Variants in MAP3K8 observed in about 807,000 individuals in gnomAD.
MAP3K8 encodes the protein Ewing sarcoma transformant.
In MAP3K8, 22 loss-of-function variants were observed where a neutral mutation model predicts 45.8. The observed-to-expected ratio is 0.48, with a 90% CI of 0.34 to 0.69. MAP3K8 has a LOEUF of 0.69. MAP3K8 is among the 30% of genes least tolerant of loss of function. The pLI, the probability that MAP3K8 is intolerant of heterozygous loss-of-function variation, is 0.01. For missense variants in MAP3K8, 419 were observed against 585.0 expected (o/e 0.72, Z 2.93); for synonymous variants, 223 against 214.3 (o/e 1.04, Z -0.36).
rs530401969 is a variant in MAP3K8, at chr10:30,457,055, G to A, written c.874-1029G>A. Reference sequence around the variant, plus strand: ...ACCGAGATCGCACCATTGCATTCCAGCCTGGGTGACAGAGGGAGACCCCAT... The same window carrying A: ...ACCGAGATCGCACCATTGCATTCCAACCTGGGTGACAGAGGGAGACCCCAT... On this transcript the variant is annotated intron_variant, in intron 6 of 8. Transcript: ENST00000263056. Among the ~76,000 whole-genome samples, 3 of 151,626 alleles carry A rather than the reference G, an allele frequency of 2.0e-5. No individual in the cohort carries two copies. The East Asian group carries it at 5.9e-4, about 30-fold the overall frequency.
chr10:30,444,844 G>T (rs747078039), intron 3 of MAP3K8, among the ~76,000 whole-genome samples: 1 of 152,208 alleles, frequency 6.6e-6, no homozygotes, highest in African/African-American at 2.4e-5. Context: ...CTCTTACCCA[G>T]ACTAGGAGGT....
intron 3 of MAP3K8, chr10:30,439,533 G>A (rs1328533805): frequency 1.2e-6 from 1 of 810,192 alleles, no homozygotes; most frequent in Admixed American, 3.1e-5. Context: ...ATTTTGGCCG[G>A]GTGCAGGGGC....
rs1836922855 is a variant in MAP3K8, at chr10:30,461,021, C to T, written c.*185C>T. The T allele has an allele frequency of 9.4e-5, 53 of 563,882 alleles. 1 individual carries two copies. The South Asian group carries it at 1.4e-3, about 15-fold the overall frequency. 34.9% of individuals were successfully genotyped at this position (563,882 alleles called of 1,614,324 possible). ...TTGACATGTGAAGCTATTTGATATG[C>T]ACCAGGTCTCAAGGTTCTCATTTCT... is the stretch of plus-strand genomic sequence containing the variant. On this transcript the variant is annotated 3_prime_UTR_variant, in exon 9 of 9. Transcript: ENST00000263056.
At chr10:30,444,614 T>C (rs780460837) in intron 3 of MAP3K8, among the ~76,000 whole-genome samples, 7 of 152,156 alleles carry the variant, frequency 4.6e-5, no homozygotes, top group Non-Finnish European at 7.4e-5. Context: ...GGAGAACTCA[T>C]AGGCATTGAA....
At chr10:30,454,262 A>G (rs1342573139) in intron 6 of MAP3K8, among the ~76,000 whole-genome samples, 1 of 152,162 alleles carries the variant, frequency 6.6e-6, no homozygotes, top group African/African-American at 2.4e-5. Context: ...GACAACCCTT[A>G]GTCTAGTCTA....
At chr10:30,451,545 G>T in intron 5 of MAP3K8, 93 bp from the exon 6 acceptor site, 1 of 604,908 alleles carries the variant, frequency 1.7e-6, no homozygotes, top group East Asian at 2.9e-5. Flanking sequence ...AGTCTTTTCT[G>T]ATTGGAGATT....
At chr10:30,451,587 C>T in intron 5 of MAP3K8, 51 bp from the exon 6 acceptor site, 1 of 970,872 alleles carries the variant, frequency 1.0e-6, no homozygotes, top group Non-Finnish European at 1.6e-6. Flanking sequence ...TTTCATTTGA[C>T]TTATGGGTAT....
At chr10:30,455,529 A>C (rs1341699297) in intron 6 of MAP3K8, among the ~76,000 whole-genome samples, 1 of 152,194 alleles carries the variant, frequency 6.6e-6, no homozygotes, top group Non-Finnish European at 1.5e-5. Flanking sequence ...TACAGAATAG[A>C]CTGTTTTTGA....
chr10:30,454,749 AC>A lies in MAP3K8; in HGVS notation c.873+3006del, dbSNP rs571770880. On this transcript the variant is annotated intron_variant, in intron 6 of 8. Transcript: ENST00000263056. The stretch of plus-strand genomic sequence containing the variant: ...GAACAATATTCAGAAGGGAAGCTGT[AC>A]TTTTTTTTTTTTTTTAAGAATGCTT... Among the ~76,000 whole-genome samples the A allele has an allele frequency of 5.3e-3, 755 of 141,740 alleles. 6 individuals carry two copies. The highest frequency in any genetic ancestry group is 0.017 in the African/African-American group (627 of 37,148). The allele number at this position is 141,740 out of a possible 152,430, so 93.0% of individuals were successfully genotyped here.
chr10:30,437,447 T>C (rs975567984), intron 2 of MAP3K8, 41 bp downstream of exon 2: 4 of 361,954 alleles, frequency 1.1e-5, no homozygotes, highest in African/African-American at 2.2e-5. Context: ...ATGGGGAAAA[T>C]TGAGGTCGAG....
At chr10:30,451,256 G>A (rs954157519) in intron 5 of MAP3K8, among the ~76,000 whole-genome samples, 1 of 152,054 alleles carries the variant, frequency 6.6e-6, no homozygotes, top group Non-Finnish European at 1.5e-5. Context: ...TGAGGAAATA[G>A]GTAAACCTTT....
chr10:30,456,143 A>G (rs1251691285), intron 6 of MAP3K8, among the ~76,000 whole-genome samples: 1 of 152,220 alleles, frequency 6.6e-6, no homozygotes, highest in Non-Finnish European at 1.5e-5. Context: ...GAAGATAGGC[A>G]TCCTCTATGG....
chr10:30,460,829 A>C lies in MAP3K8; in HGVS notation c.1397A>C (p.Tyr466Ser). The C allele has an allele frequency of 6.2e-7, 1 of 1,613,614 alleles. No homozygotes were observed. Among genetic ancestry groups the C allele is most frequent in the Non-Finnish European group, 8.5e-7 (1 of 1,180,002 alleles). ...NLVRGPPTLE[Y>S]G ...GTTCGGGGACCACCAACGCTTGAAT[A>C]TGGCTGAAGGATGCCATGTTTGCTC... Residue 466 changes from tyrosine (Y) to serine (S), a missense_variant, in exon 9 of 9, where the codon TAT (tyrosine) becomes TCT (serine). Physicochemically the swap from Tyr to Ser is moderately radical, Grantham distance 144. Coordinates refer to ENST00000263056, the MANE Select transcript of MAP3K8 (RefSeq NM_005204.4).
At position 30,458,270 on chromosome 10, in the gene MAP3K8, G is replaced by GGT. The variant is rs111530310; in HGVS notation, c.1026+35_1026+36insTG. 60 of 1,367,046 alleles carry GGT rather than the reference G, an allele frequency of 4.4e-5. 2 individuals are homozygous for GGT. Among genetic ancestry groups the GGT allele is most frequent in the South Asian group, 6.5e-5 (4 of 61,286 alleles). 84.7% of individuals were successfully genotyped at this position (1,367,046 alleles called of 1,614,324 possible). On this transcript the variant is annotated intron_variant, in intron 7 of 8. Coordinates refer to ENST00000263056, the MANE Select transcript of MAP3K8 (RefSeq NM_005204.4). ...GGTTCAACCAGGGCTGGGGGCGGCG[G>GGT]GGGGGGGCGTTGAGTTATGCATCCC...
chr10:30,459,183 G>A (rs1453013688), intron 7 of MAP3K8, 72 bp from the exon 8 acceptor site: 3 of 1,555,554 alleles, frequency 1.9e-6, no homozygotes, highest in Admixed American at 1.7e-5. Flanking sequence ...CTAGGTCCTG[G>A]TACTAGCATG....
chr10:30,457,007 C>G (rs1334712991), intron 6 of MAP3K8, among the ~76,000 whole-genome samples: 1 of 152,000 alleles, frequency 6.6e-6, no homozygotes, highest in Non-Finnish European at 1.5e-5. Flanking sequence ...TAGCTTGAAC[C>G]CGGGAGGCAG....
chr10:30,434,851 A>G (rs1288667793), intron 1 of MAP3K8: 1 of 904,252 alleles, frequency 1.1e-6, no homozygotes, highest in Non-Finnish European at 1.3e-6. Flanking sequence ...AACCAGGAGG[A>G]AAGGAGTGGG....
At position 30,434,582 on chromosome 10, in the gene MAP3K8, C is replaced by T. The variant is rs1158122051; in HGVS notation, c.-255+204C>T. 7 of 985,846 alleles carry T rather than the reference C, an allele frequency of 7.1e-6. No individual in the cohort carries two copies. The African/African-American group carries it at 1.2e-4, about 17-fold the overall frequency. 61.1% of individuals were successfully genotyped at this position (985,846 alleles called of 1,614,324 possible). ...TGGAAAGCACCTTGCGCAAGGGTCT[C>T]ACGGGGTGCAGACTCGCGACTCCTC... is the stretch of plus-strand genomic sequence containing the variant. On this transcript the variant is annotated intron_variant, in intron 1 of 8. Transcript: ENST00000263056.
chr10:30,448,003 TG>T, intron 4 of MAP3K8, 54 bp downstream of exon 4: 1 of 1,519,388 alleles, frequency 6.6e-7, no homozygotes, highest in Non-Finnish European at 8.9e-7. Context: ...TTCTGGCTTT[TG>T]TTTTTTTGTC....
Sources: gnomAD v4.1 joint callset for allele counts (sites outside exome capture counted in the v4.1 genomes callset) on GRCh38, gnomAD v4.1.1 for gene constraint, MANE v1.5 for transcripts, NCBI Gene and HGNC (gene_info 2026-07-23, HGNC 2026-07-21) for gene names.